CSTPP1: variants seen among roughly 807,000 people sequenced by gnomAD.
The protein encoded by CSTPP1 is UPF0705 protein C11orf49.
chr11:47,045,430 T>C, the CSTPP1 span, among the ~76,000 whole-genome samples: 1 of 152,242 alleles, frequency 6.6e-6, no homozygotes, highest in Admixed American at 6.5e-5. Context: ...TTTTGGTCTT[T>C]GTTTATCCCA....
chr11:47,101,162 T>C, the CSTPP1 span, among the ~76,000 whole-genome samples: 1 of 118,002 alleles, frequency 8.5e-6, no homozygotes, highest in Non-Finnish European at 1.7e-5. Flanking sequence ...CCACACCGGC[T>C]AATTTTTTTT....
chr11:47,032,884 C>T, the CSTPP1 span, among the ~76,000 whole-genome samples: 1 of 152,152 alleles, frequency 6.6e-6, no homozygotes, highest in East Asian at 1.9e-4. Context: ...AAGAACTTAA[C>T]TACTGATAGT....
the CSTPP1 span, among the ~76,000 whole-genome samples, chr11:47,018,990 G>A: frequency 6.6e-6 from 1 of 151,764 alleles, no homozygotes. Flanking sequence ...TCTTCTCAGT[G>A]TTATATACAG....
At chr11:46,955,347 GT>G in the CSTPP1 span, among the ~76,000 whole-genome samples, 11 of 143,330 alleles carry the variant, frequency 7.7e-5, no homozygotes, top group South Asian at 4.5e-4. Flanking sequence ...CAGTAGTGTG[GT>G]TTTTTTTTTG....
At chr11:46,943,306 C>A in the CSTPP1 span, among the ~76,000 whole-genome samples, 2 of 152,314 alleles carry the variant, frequency 1.3e-5, no homozygotes, top group South Asian at 4.1e-4. Flanking sequence ...GAGGAAACTA[C>A]ACACAAAGAT....
the CSTPP1 span, among the ~76,000 whole-genome samples, chr11:46,945,230 G>T: frequency 6.6e-6 from 1 of 152,140 alleles, no homozygotes; most frequent in South Asian, 2.1e-4. Flanking sequence ...GTGTTTGGTT[G>T]CTGCAGAAAG....
chr11:47,162,056 G>C, the CSTPP1 span: 1 of 990,256 alleles, frequency 1.0e-6, no homozygotes, highest in Non-Finnish European at 1.2e-6. Context: ...CATCAAGGGT[G>C]ACACCTGCGA....
chr11:47,008,882 T>A, the CSTPP1 span, among the ~76,000 whole-genome samples: 62 of 152,010 alleles, frequency 4.1e-4, no homozygotes, highest in East Asian at 4.6e-3. Context: ...TACAAAAAAA[T>A]TAGCTGGGCG....
chr11:47,058,670 C>G, the CSTPP1 span, among the ~76,000 whole-genome samples: 2 of 152,122 alleles, frequency 1.3e-5, no homozygotes, highest in Non-Finnish European at 2.9e-5. Context: ...TTCACAACAA[C>G]CCTATGTGTT....
At chr11:47,066,766 T>C in the CSTPP1 span, among the ~76,000 whole-genome samples, 9 of 152,092 alleles carry the variant, frequency 5.9e-5, no homozygotes, top group Non-Finnish European at 1.2e-4. Flanking sequence ...TATTCCCTTA[T>C]TTAATCCACC....
chr11:47,016,404 C>CAAAAAAAAAAAAAAAAAAAAAAAAAAAAA, the CSTPP1 span, among the ~76,000 whole-genome samples: 1 of 30,228 alleles, frequency 3.3e-5, no homozygotes, highest in Non-Finnish European at 6.8e-5. Flanking sequence ...AAACAAAAAA[C>CAAAAAAAAAAAAAAAAAAAAAAAAAAAAA]AAAAAACAAA....
chr11:47,094,347 G>A, the CSTPP1 span, among the ~76,000 whole-genome samples: 2 of 152,178 alleles, frequency 1.3e-5, no homozygotes, highest in Admixed American at 6.5e-5. Flanking sequence ...TTCAATTGGT[G>A]TAAAGTTACA....
At chr11:47,034,528 G>T in the CSTPP1 span, among the ~76,000 whole-genome samples, 4 of 147,570 alleles carry the variant, frequency 2.7e-5, no homozygotes, top group Non-Finnish European at 5.9e-5. Flanking sequence ...TTAGAGCAGG[G>T]TCTCACTGTG....
the CSTPP1 span, among the ~76,000 whole-genome samples, chr11:47,011,461 CA>C: frequency 6.6e-6 from 1 of 152,180 alleles, no homozygotes; most frequent in South Asian, 2.1e-4. Flanking sequence ...CTTCAGTACC[CA>C]TGTGATTTAA....
At chr11:46,961,248 A>G in the CSTPP1 span, among the ~76,000 whole-genome samples, 6 of 152,056 alleles carry the variant, frequency 3.9e-5, no homozygotes, top group African/African-American at 1.4e-4. Flanking sequence ...TGCCTTTTTT[A>G]TTATAGCCAT....
chr11:47,008,246 T>A, the CSTPP1 span, among the ~76,000 whole-genome samples: 2 of 152,164 alleles, frequency 1.3e-5, no homozygotes, highest in African/African-American at 2.4e-5. Context: ...ATTACAGGTG[T>A]GAGCCACCGC....
chr11:47,063,682 T>C, the CSTPP1 span, among the ~76,000 whole-genome samples: 2 of 152,184 alleles, frequency 1.3e-5, no homozygotes, highest in African/African-American at 4.8e-5. Flanking sequence ...CTGAATAATA[T>C]TCCATTGTGT....
At chr11:47,145,684 T>C in the CSTPP1 span, among the ~76,000 whole-genome samples, 3 of 152,144 alleles carry the variant, frequency 2.0e-5, no homozygotes, top group Admixed American at 2.0e-4. Context: ...CAGGCTGGAG[T>C]GCAGTGGTGC....
At chr11:47,157,230 G>A in the CSTPP1 span, 1 of 1,549,316 alleles carries the variant, frequency 6.5e-7, no homozygotes, top group Non-Finnish European at 8.7e-7. Flanking sequence ...TGAGGAACGG[G>A]CATGCAGCCC....
Sources: allele counts gnomAD v4.1 joint callset (sites outside exome capture counted in the v4.1 genomes callset), GRCh38; gene constraint gnomAD v4.1.1; transcripts MANE v1.5; gene names NCBI Gene and HGNC (gene_info 2026-07-23, HGNC 2026-07-21).